The following TAFA4 variants were observed in gnomAD, a reference collection of about 807,000 sequenced individuals.
TAFA4 encodes TAFA chemokine like family member 4.
In TAFA4, 20 loss-of-function variants were observed where a neutral mutation model predicts 21.1. The ratio of observed to expected loss-of-function variants is 0.95; its 90% CI spans 0.67 to 1.38. TAFA4 has a LOEUF of 1.38. Among genes scored for constraint, TAFA4 ranks in the 40% most tolerant of loss-of-function variants. TAFA4 has a pLI of 0.00. For missense variants in TAFA4, 211 were observed against 180.9 expected (o/e 1.17, Z -0.95); for synonymous variants, 71 against 67.4 (o/e 1.05, Z -0.26).
intron 3 of TAFA4, among the ~76,000 whole-genome samples, chr3:68,857,953 C>T (rs995825850): frequency 6.6e-6 from 1 of 152,146 alleles, no homozygotes; most frequent in Non-Finnish European, 1.5e-5. Context: ...ACCTCCATCT[C>T]ATCCCATCAT....
intron 3 of TAFA4, among the ~76,000 whole-genome samples, chr3:68,867,363 G>C (rs2089433272): frequency 6.6e-6 from 1 of 152,088 alleles, no homozygotes; most frequent in Admixed American, 6.6e-5. Flanking sequence ...GACAGATGAA[G>C]TCTTTCCCAG....
intron 3 of TAFA4, among the ~76,000 whole-genome samples, chr3:68,857,519 T>C (rs530965996): frequency 1.3e-5 from 2 of 152,286 alleles, no homozygotes; most frequent in Non-Finnish European, 2.9e-5. Context: ...TTACAAATCA[T>C]TGAAATTACA....
At chr3:68,907,349 A>G (rs1304501353) in intron 1 of TAFA4, among the ~76,000 whole-genome samples, 1 of 152,200 alleles carries the variant, frequency 6.6e-6, no homozygotes, top group African/African-American at 2.4e-5. Flanking sequence ...CCTGCTTTGG[A>G]GAATGCCTGG....
At chr3:68,882,336 A>G (rs2089628392) in intron 2 of TAFA4, among the ~76,000 whole-genome samples, 1 of 151,828 alleles carries the variant, frequency 6.6e-6, no homozygotes, top group Non-Finnish European at 1.5e-5. Flanking sequence ...AAAAAAAAAA[A>G]GAAAGAAATT....
intron 3 of TAFA4, among the ~76,000 whole-genome samples, chr3:68,866,720 A>G (rs1231030553): frequency 6.7e-6 from 1 of 149,854 alleles, no homozygotes; most frequent in Non-Finnish European, 1.5e-5. Context: ...AATGTATCAG[A>G]TGAACAACAA....
At chr3:68,881,693 T>C (rs964933988) in intron 2 of TAFA4, among the ~76,000 whole-genome samples, 1 of 152,248 alleles carries the variant, frequency 6.6e-6, no homozygotes, top group African/African-American at 2.4e-5. Context: ...TCATGGCATC[T>C]ATTATTACCA....
chr3:68,876,321 A>C (rs2106944420), intron 3 of TAFA4, among the ~76,000 whole-genome samples: 1 of 152,330 alleles, frequency 6.6e-6, no homozygotes, highest in Middle Eastern at 3.4e-3. Flanking sequence ...TAGTGTCAGA[A>C]CTTAGGCAAT....
At chr3:68,816,324 A>G (rs1225641591) in intron 3 of TAFA4, among the ~76,000 whole-genome samples, 2 of 152,170 alleles carry the variant, frequency 1.3e-5, no homozygotes, top group African/African-American at 4.8e-5. Flanking sequence ...ATTAAAAAAA[A>G]ATAGTAATTC....
intron 3 of TAFA4, among the ~76,000 whole-genome samples, chr3:68,763,869 TACAC>T (rs147436920): frequency 2.0e-4 from 29 of 147,332 alleles, no homozygotes; most frequent in African/African-American, 3.5e-4. Context: ...TATGACAGAC[TACAC>T]ACACACACAC....
intron 3 of TAFA4, among the ~76,000 whole-genome samples, chr3:68,800,896 A>C (rs1437545615): frequency 2.0e-5 from 3 of 152,236 alleles, no homozygotes; most frequent in African/African-American, 7.2e-5. Flanking sequence ...CAAAGCTATG[A>C]GATCAAAATG....
At position 68,752,854 on chromosome 3, in the gene TAFA4, A is replaced by G. The variant is rs763789648; in HGVS notation, c.286+9T>C. 6.2e-7 allele frequency: 1 copy of G among 1,614,000 alleles called. No individual in the cohort carries two copies. The highest frequency in any genetic ancestry group is 1.1e-5 in the South Asian group (1 of 91,066). ...GAAATACCAGAGATGCTGACCAGAG[A>G]GGTCTTACCTTCAACACAAGAAGGT... On this transcript the variant is annotated intron_variant, in intron 4 of 5. Coordinates refer to ENST00000295569, the MANE Select transcript of TAFA4 (RefSeq NM_182522.5).
chr3:68,900,457 C>T (rs767970606), intron 1 of TAFA4, among the ~76,000 whole-genome samples: 44 of 152,116 alleles, frequency 2.9e-4, no homozygotes, highest in South Asian at 1.2e-3. Flanking sequence ...TGTTCAGAGG[C>T]AAACACATTC....
chr3:68,776,152 C>T (rs528339023), intron 3 of TAFA4, among the ~76,000 whole-genome samples: 162 of 151,986 alleles, frequency 1.1e-3, no homozygotes, highest in East Asian at 4.6e-3. Flanking sequence ...AAAAATAAGC[C>T]GGTAGACTCA....
intron 3 of TAFA4, among the ~76,000 whole-genome samples, chr3:68,829,823 T>G (rs185021096): frequency 1.3e-3 from 198 of 152,264 alleles, no homozygotes; most frequent in East Asian, 9.8e-3. Flanking sequence ...GTCCTGGACT[T>G]TTTTTGGTTG....
intron 3 of TAFA4, among the ~76,000 whole-genome samples, chr3:68,790,288 A>G (rs1264352837): frequency 6.6e-6 from 1 of 152,162 alleles, no homozygotes; most frequent in Non-Finnish European, 1.5e-5. Context: ...AGAAAAAAAA[A>G]GAAGCATAAA....
chr3:68,912,453 A>T (rs1361744323), intron 1 of TAFA4, among the ~76,000 whole-genome samples: 1 of 152,210 alleles, frequency 6.6e-6, no homozygotes, highest in African/African-American at 2.4e-5. Flanking sequence ...TTAATTTGAA[A>T]TGGGATGAGC....
At chr3:68,839,338 G>T (rs919989208) in intron 3 of TAFA4, among the ~76,000 whole-genome samples, 3 of 152,148 alleles carry the variant, frequency 2.0e-5, no homozygotes, top group Admixed American at 2.0e-4. Context: ...TTCAGATACA[G>T]CAAGACTTTC....
At chr3:68,802,550 G>C (rs1703600282) in intron 3 of TAFA4, among the ~76,000 whole-genome samples, 1 of 152,098 alleles carries the variant, frequency 6.6e-6, no homozygotes, top group Non-Finnish European at 1.5e-5. Flanking sequence ...TTGGTATGGT[G>C]AGTATGGCTT....
intron 3 of TAFA4, among the ~76,000 whole-genome samples, chr3:68,860,888 A>C (rs932187682): frequency 6.6e-6 from 1 of 152,142 alleles, no homozygotes; most frequent in African/African-American, 2.4e-5. Flanking sequence ...AACTAAGTGA[A>C]GCAGAGAAAT....
Sources: allele counts gnomAD v4.1 joint callset (sites outside exome capture counted in the v4.1 genomes callset), GRCh38; gene constraint gnomAD v4.1.1; transcripts MANE v1.5; gene names NCBI Gene and HGNC (gene_info 2026-07-23, HGNC 2026-07-21).